The following POU6F2 variants were observed in gnomAD, a reference collection of about 807,000 sequenced individuals.
The protein encoded by POU6F2 is POU domain, class 6, transcription factor 2.
A neutral mutation model predicts 71.3 loss-of-function variants in POU6F2; 31 were observed. The observed-to-expected ratio is 0.43, with a 90% CI of 0.33 to 0.59. The LOEUF (loss-of-function observed/expected upper bound fraction) is 0.59. Ranked by LOEUF, POU6F2 falls within the 20% of genes least tolerant of loss-of-function variation. POU6F2 has a pLI of 0.04. For synonymous variants in POU6F2, 347 were observed against 355.7 expected, an observed-to-expected ratio of 0.98 and a Z score of 0.27; for missense variants, 783 against 856.8, an observed-to-expected ratio of 0.91 and a Z score of 1.07.
In POU6F2 at chr7:39,419,017, A is replaced by ATATATGTG. The variant is rs1787765507; in HGVS notation, c.1113+12282_1113+12283insGTGTATAT. 3.8e-5 allele frequency among the ~76,000 whole-genome samples: 5 copies of ATATATGTG among 131,084 alleles called. No homozygotes were observed. The South Asian group carries it at 1.1e-3, about 30-fold the overall frequency. 86.0% of individuals were successfully genotyped at this position (131,084 alleles called of 152,430 possible). ...TATGTGTATATATGTGTATATATGT[A>ATATATGTG]TATATATGTGTGTATATATACATAT... On this transcript the variant is annotated intron_variant, in intron 6 of 9. Transcript: ENST00000518318.
intron 6 of POU6F2, among the ~76,000 whole-genome samples, chr7:39,432,506 T>C (rs1788126766): frequency 6.6e-6 from 1 of 152,138 alleles, no homozygotes; most frequent in Non-Finnish European, 1.5e-5. Context: ...TCACTCTGTC[T>C]CCAGAGCCCA....
At chr7:39,218,308 C>G (rs1794281304) in intron 4 of POU6F2, among the ~76,000 whole-genome samples, 1 of 152,114 alleles carries the variant, frequency 6.6e-6, no homozygotes, top group Admixed American at 6.5e-5. Flanking sequence ...AACCAAAATT[C>G]AGAGAATTTC....
At chr7:39,449,366 A>G (rs1038055045) in intron 7 of POU6F2, among the ~76,000 whole-genome samples, 3 of 152,246 alleles carry the variant, frequency 2.0e-5, no homozygotes, top group Non-Finnish European at 2.9e-5. Flanking sequence ...TTTCTGGAGT[A>G]GCCCCTAACT....
chr7:39,297,038 T>G (rs368552045), intron 4 of POU6F2, among the ~76,000 whole-genome samples: 1 of 152,200 alleles, frequency 6.6e-6, no homozygotes, highest in African/African-American at 2.4e-5. Context: ...AAAGCCTAGG[T>G]CTGTTTGTGC....
chr7:39,193,125 T>C (rs1793705225), intron 2 of POU6F2, among the ~76,000 whole-genome samples: 1 of 152,178 alleles, frequency 6.6e-6, no homozygotes, highest in Non-Finnish European at 1.5e-5. Flanking sequence ...ATGCCAATGC[T>C]GCTGGCCCAG....
At chr7:39,247,229 G>T (rs2128752218) in intron 4 of POU6F2, among the ~76,000 whole-genome samples, 1 of 152,188 alleles carries the variant, frequency 6.6e-6, no homozygotes, top group East Asian at 1.9e-4. Context: ...AGCACTTTGG[G>T]AGGCTGAGGC....
At chr7:39,322,517 A>AC (rs1336801534) in intron 4 of POU6F2, among the ~76,000 whole-genome samples, 3 of 152,160 alleles carry the variant, frequency 2.0e-5, no homozygotes, top group Non-Finnish European at 4.4e-5. Context: ...TCTCAGACCT[A>AC]CCTGCAGTAC....
intron 5 of POU6F2, among the ~76,000 whole-genome samples, chr7:39,369,006 A>G (rs1421553578): frequency 6.6e-6 from 1 of 152,214 alleles, no homozygotes; most frequent in Non-Finnish European, 1.5e-5. Flanking sequence ...GATGTGACAG[A>G]ATCTCATGTG....
At chr7:39,287,876 G>C (rs1403555231) in intron 4 of POU6F2, among the ~76,000 whole-genome samples, 1 of 115,792 alleles carries the variant, frequency 8.6e-6, no homozygotes, top group East Asian at 2.9e-4. Flanking sequence ...GACGGTATAC[G>C]CAGCACCCAG....
intron 4 of POU6F2, among the ~76,000 whole-genome samples, chr7:39,217,707 T>C (rs570634093): frequency 6.6e-6 from 1 of 152,314 alleles, no homozygotes; most frequent in Non-Finnish European, 1.5e-5. Flanking sequence ...AAATCCACCA[T>C]AAAGAAGTTA....
intron 1 of POU6F2, among the ~76,000 whole-genome samples, chr7:39,016,015 T>TTTATATTG (rs376501299): frequency 3.5e-5 from 1 of 28,324 alleles, no homozygotes; most frequent in African/African-American, 1.7e-4. Context: ...TATTATATAT[T>TTTATATTG]ATATATATTA....
At chr7:39,152,401 G>C (rs111478194) in intron 2 of POU6F2, among the ~76,000 whole-genome samples, 2,147 of 152,228 alleles carry the variant, frequency 0.014, 52 homozygotes, top group African/African-American at 0.048. Flanking sequence ...CCACTGGAGA[G>C]AGATACGAAG....
intron 2 of POU6F2, among the ~76,000 whole-genome samples, chr7:39,096,066 A>G (rs1791449385): frequency 6.6e-6 from 1 of 152,192 alleles, no homozygotes; most frequent in Non-Finnish European, 1.5e-5. Flanking sequence ...CCAGTGAGAT[A>G]TAGAACCAGA....
chr7:39,454,779 G>A (rs2116137079), intron 8 of POU6F2, among the ~76,000 whole-genome samples: 1 of 136,112 alleles, frequency 7.3e-6, no homozygotes, highest in South Asian at 2.4e-4. Context: ...CAAAACTTTG[G>A]TCAAAACCAT....
At chr7:39,202,212 G>T (rs1378814212) in intron 2 of POU6F2, among the ~76,000 whole-genome samples, 1 of 152,222 alleles carries the variant, frequency 6.6e-6, no homozygotes, top group South Asian at 2.1e-4. Context: ...CACAGTGCCT[G>T]TGTGAGACCA....
intron 2 of POU6F2, among the ~76,000 whole-genome samples, chr7:39,098,908 A>G (rs1791513130): frequency 6.6e-6 from 1 of 152,242 alleles, no homozygotes; most frequent in Admixed American, 6.5e-5. Context: ...ACCAACAAAA[A>G]TTGTGGCCTT....
At chr7:39,030,858 C>A (rs950109738) in intron 1 of POU6F2, among the ~76,000 whole-genome samples, 4 of 150,174 alleles carry the variant, frequency 2.7e-5, no homozygotes, top group African/African-American at 9.8e-5. Flanking sequence ...CCTGCCCCCC[C>A]CAAAAAAAAA....
chr7:39,203,991 C>A (rs1228163686), intron 2 of POU6F2, among the ~76,000 whole-genome samples: 3 of 152,140 alleles, frequency 2.0e-5, no homozygotes, highest in Admixed American at 6.5e-5. Context: ...CCCACACATA[C>A]AACACACTGG....
At chr7:39,030,538 A>ATATATATATATATG (rs1562677662) in intron 1 of POU6F2, among the ~76,000 whole-genome samples, 1 of 69,658 alleles carries the variant, frequency 1.4e-5, no homozygotes. Context: ...ATATATATAT[A>ATATATATATATATG]TATATACACA....
Sources: gnomAD v4.1 joint callset for allele counts (sites outside exome capture counted in the v4.1 genomes callset) on GRCh38, gnomAD v4.1.1 for gene constraint, MANE v1.5 for transcripts, NCBI Gene and HGNC (gene_info 2026-07-23, HGNC 2026-07-21) for gene names.